UPP2: variants seen among roughly 807,000 people sequenced by gnomAD.
UPP2 encodes UPase 2.
A neutral mutation model predicts 26.7 loss-of-function variants in UPP2; 23 were observed. The observed-to-expected ratio is 0.86, with a 90% confidence interval of 0.62 to 1.22. The LOEUF (loss-of-function observed/expected upper bound fraction) is 1.22. Among genes scored for constraint, UPP2 ranks in the 50% most tolerant of loss-of-function variants. The probability of loss-of-function intolerance (pLI) is 0.00; values close to 1 mark genes in which losing one functional copy is unlikely to be tolerated. For missense variants in UPP2, 387 were observed against 396.7 expected (o/e 0.98, Z 0.21); for synonymous variants, 127 against 141.3 (o/e 0.90, Z 0.72).
exon 3 of UPP2, chr2:158,015,806 C>A (rs953169799): frequency 2.2e-6 from 1 of 453,646 alleles, no homozygotes; most frequent in Non-Finnish European, 4.4e-6. Flanking sequence ...GTAAGATGTG[C>A]CTGCTTCCCC....
intron 3 of UPP2, among the ~76,000 whole-genome samples, chr2:158,087,416 C>T (rs1431971222): frequency 6.6e-6 from 1 of 152,076 alleles, no homozygotes; most frequent in Non-Finnish European, 1.5e-5. Context: ...GACAGCAGAT[C>T]CTTGGTTGGT....
At chr2:158,061,622 G>C (rs1048598702) in intron 3 of UPP2, among the ~76,000 whole-genome samples, 1 of 152,172 alleles carries the variant, frequency 6.6e-6, no homozygotes, top group Admixed American at 6.5e-5. Flanking sequence ...CACAGGGGGC[G>C]GGGCCACCTA....
chr2:158,014,560 T>C (rs552029685), intron 2 of UPP2, among the ~76,000 whole-genome samples: 1 of 152,206 alleles, frequency 6.6e-6, no homozygotes, highest in African/African-American at 2.4e-5. Flanking sequence ...AGAAAAGAAA[T>C]GTGTTTCTGA....
At chr2:158,026,140 G>T (rs1216739226) in intron 3 of UPP2, among the ~76,000 whole-genome samples, 1 of 152,128 alleles carries the variant, frequency 6.6e-6, no homozygotes, top group Admixed American at 6.5e-5. Context: ...GTCGACAAGA[G>T]ACCTGAGGCG....
At chr2:158,132,575 T>A (rs867393501) in intron 6 of UPP2, among the ~76,000 whole-genome samples, 4 of 152,134 alleles carry the variant, frequency 2.6e-5, no homozygotes, top group African/African-American at 9.7e-5. Flanking sequence ...ACAAAAAAGA[T>A]ACATGGATTG....
At chr2:158,085,394 C>A (rs1250859044) in intron 3 of UPP2, among the ~76,000 whole-genome samples, 1 of 151,970 alleles carries the variant, frequency 6.6e-6, no homozygotes, top group African/African-American at 2.4e-5. Context: ...TTCTAGGAAG[C>A]TTTTTGGAGG....
intron 2 of UPP2, among the ~76,000 whole-genome samples, chr2:158,002,159 A>T (rs572516603): frequency 5.3e-5 from 8 of 152,106 alleles, no homozygotes; most frequent in Non-Finnish European, 1.2e-4. Context: ...TAAAAATGGT[A>T]ATAATAAAAG....
intron 3 of UPP2, among the ~76,000 whole-genome samples, chr2:158,087,353 C>T (rs1682833636): frequency 6.6e-6 from 1 of 152,126 alleles, no homozygotes; most frequent in Admixed American, 6.5e-5. Context: ...TCTTCTTCCA[C>T]CCCTTTACCT....
At chr2:158,006,893 T>TGAAC (rs1683500462) in intron 2 of UPP2, among the ~76,000 whole-genome samples, 2 of 152,116 alleles carry the variant, frequency 1.3e-5, no homozygotes, top group Non-Finnish European at 2.9e-5. Flanking sequence ...TCAGGAAAGG[T>TGAAC]GAACATTCCA....
intron 4 of UPP2, among the ~76,000 whole-genome samples, chr2:158,118,212 G>A (rs996579420): frequency 6.6e-6 from 1 of 151,754 alleles, no homozygotes; most frequent in Non-Finnish European, 1.5e-5. Flanking sequence ...ATTGTTAGAA[G>A]ATATGTTTTG....
chr2:158,004,598 G>C (rs111640197), intron 2 of UPP2, among the ~76,000 whole-genome samples: 1 of 152,148 alleles, frequency 6.6e-6, no homozygotes, highest in Non-Finnish European at 1.5e-5. Context: ...AACAAAACAG[G>C]CTCTCCCCTC....
At chr2:158,003,161 T>C (rs1683435132) in intron 2 of UPP2, among the ~76,000 whole-genome samples, 2 of 152,022 alleles carry the variant, frequency 1.3e-5, no homozygotes, top group African/African-American at 4.8e-5. Flanking sequence ...CTTAGGGGGC[T>C]CAGGGAGGTC....
intron 3 of UPP2, among the ~76,000 whole-genome samples, chr2:158,027,242 T>TA (rs1288250267): frequency 5.9e-5 from 9 of 152,182 alleles, no homozygotes; most frequent in Admixed American, 5.9e-4. Context: ...CTTCCACTTA[T>TA]GAGCCTGTAA....
intron 3 of UPP2, among the ~76,000 whole-genome samples, chr2:158,092,797 G>A (rs1389379039): frequency 6.6e-6 from 1 of 152,226 alleles, no homozygotes; most frequent in Non-Finnish European, 1.5e-5. Flanking sequence ...GTGTTATGCA[G>A]AAGAGTATAG....
chr2:158,059,567 C>CA, intron 3 of UPP2, among the ~76,000 whole-genome samples: 1 of 152,126 alleles, frequency 6.6e-6, no homozygotes, highest in East Asian at 1.9e-4. Flanking sequence ...CTTGCTGGCA[C>CA]AAAAAGAGGT....
In UPP2 at chr2:158,096,709, T is replaced by A. The variant is rs576543845; in HGVS notation, c.148-5331T>A. Among the ~76,000 whole-genome samples, 8 of 152,350 alleles carry A rather than the reference T, an allele frequency of 5.3e-5. No homozygotes were observed. In the East Asian group the frequency reaches 1.5e-3, roughly 29 times the overall value. ...ATCACTATATGGTAATCTGATGAATTAGACCTATGCCTAACAATAATTTGA... is the reference window on the plus strand; with the variant it reads ...ATCACTATATGGTAATCTGATGAATAAGACCTATGCCTAACAATAATTTGA... On this transcript the variant is annotated intron_variant, in intron 3 of 9. Coordinates refer to the UPP2 transcript ENST00000605860.
chr2:158,023,121 T>C (rs572986598), intron 3 of UPP2, among the ~76,000 whole-genome samples: 6 of 23,982 alleles, frequency 2.5e-4, no homozygotes, highest in African/African-American at 9.6e-4. Context: ...GATTGGGAGG[T>C]GGGGGTGGGT....
chr2:158,126,367 C>A (rs181861547), intron 6 of UPP2: 3 of 152,326 alleles, frequency 2.0e-5, no homozygotes, highest in African/African-American at 7.2e-5. Context: ...ATGGAGTAGA[C>A]CCCTTCTAGG....
chr2:158,130,531 A>C (rs76155498), intron 6 of UPP2, among the ~76,000 whole-genome samples: 11,120 of 152,168 alleles, frequency 0.073, 452 homozygotes, highest in African/African-American at 0.1. Flanking sequence ...GTTTGTCACA[A>C]AATCTTGATC....
Sources: gnomAD v4.1 joint callset for allele counts (sites outside exome capture counted in the v4.1 genomes callset) on GRCh38, gnomAD v4.1.1 for gene constraint, MANE v1.5 for transcripts, NCBI Gene and HGNC (gene_info 2026-07-23, HGNC 2026-07-21) for gene names.